Variants in IQCM observed in about 807,000 individuals in gnomAD.
IQCM encodes the protein IQ motif containing M.
Under a neutral mutation model 57.6 loss-of-function variants are expected in IQCM, and 45 were observed. That is an observed-to-expected ratio of 0.78 (90% CI 0.62 to 1.00). IQCM has a LOEUF of 1.00. Ranked by LOEUF, IQCM falls within the 50% of genes least tolerant of loss-of-function variation. IQCM has a pLI of 0.00. For synonymous variants in IQCM, 148 were observed against 158.9 expected, an observed-to-expected ratio of 0.93 and a Z score of 0.51; for missense variants, 468 against 511.6, an observed-to-expected ratio of 0.91 and a Z score of 0.82.
chr4:149,751,622 C>G (rs1768452795), intron 2 of IQCM, among the ~76,000 whole-genome samples: 1 of 152,222 alleles, frequency 6.6e-6, no homozygotes, highest in Admixed American at 6.5e-5. Context: ...CACAGGGCTA[C>G]TGCAAGACCA....
intron 5 of IQCM, among the ~76,000 whole-genome samples, chr4:149,687,394 G>GA (rs1023176687): frequency 7.6e-5 from 11 of 143,822 alleles, no homozygotes; most frequent in South Asian, 4.3e-4. Context: ...ACAATATTCA[G>GA]AAAAAAAAAA....
chr4:149,733,191 A>G, intron 5 of IQCM, 53 bp downstream of exon 5: 1 of 1,218,950 alleles, frequency 8.2e-7, no homozygotes, highest in Non-Finnish European at 1.0e-6. Context: ...CATAAGAAAC[A>G]AATAGTTTTG....
chr4:149,412,066 T>TTGTGTGTG (rs35663253), intron 13 of IQCM, among the ~76,000 whole-genome samples: 1 of 148,730 alleles, frequency 6.7e-6, no homozygotes, highest in African/African-American at 2.5e-5. Flanking sequence ...GTGTGTGTGT[T>TTGTGTGTG]TGTGTGTGTG....
At chr4:149,550,710 T>C (rs1579456090) in intron 11 of IQCM, among the ~76,000 whole-genome samples, 1 of 152,178 alleles carries the variant, frequency 6.6e-6, no homozygotes, top group African/African-American at 2.4e-5. Context: ...TTAAAAAGTG[T>C]ATAGGTAACT....
At chr4:149,377,890 G>A (rs1730802257) in intron 13 of IQCM, among the ~76,000 whole-genome samples, 1 of 152,086 alleles carries the variant, frequency 6.6e-6, no homozygotes, top group Admixed American at 6.6e-5. Flanking sequence ...TCCTGAAGAG[G>A]CCTGATATTG....
At chr4:149,620,753 A>G (rs1210048456) in intron 8 of IQCM, among the ~76,000 whole-genome samples, 1 of 152,208 alleles carries the variant, frequency 6.6e-6, no homozygotes, top group Non-Finnish European at 1.5e-5. Flanking sequence ...TCCTTCCATT[A>G]TCATGCCTTT....
At chr4:149,665,776 C>T (rs1206581752) in intron 7 of IQCM, among the ~76,000 whole-genome samples, 1 of 152,154 alleles carries the variant, frequency 6.6e-6, no homozygotes, top group Non-Finnish European at 1.5e-5. Flanking sequence ...GACCCACCCT[C>T]AATCTGGGTA....
chr4:149,413,662 G>A (rs1733548535), intron 13 of IQCM, among the ~76,000 whole-genome samples: 1 of 152,126 alleles, frequency 6.6e-6, no homozygotes, highest in Non-Finnish European at 1.5e-5. Flanking sequence ...CTGTGAATAG[G>A]TGAGTGTTCA....
chr4:149,458,298 A>G (rs1405182466), intron 12 of IQCM, among the ~76,000 whole-genome samples: 2 of 152,030 alleles, frequency 1.3e-5, no homozygotes, highest in Non-Finnish European at 2.9e-5. Flanking sequence ...CTAAGCAGTA[A>G]ACAGTGTACT....
chr4:149,639,982 C>T (rs1371458454), intron 7 of IQCM, among the ~76,000 whole-genome samples: 3 of 152,116 alleles, frequency 2.0e-5, no homozygotes, highest in African/African-American at 4.8e-5. Flanking sequence ...TCTAAAGTAG[C>T]CAACTCAATT....
chr4:149,358,874 A>ATGATATACTC (rs1729238410), intron 13 of IQCM, among the ~76,000 whole-genome samples: 1 of 152,104 alleles, frequency 6.6e-6, no homozygotes, highest in Admixed American at 6.6e-5. Flanking sequence ...TCATGAGTAT[A>ATGATATACTC]TCATGAGACC....
intron 13 of IQCM, among the ~76,000 whole-genome samples, chr4:149,402,135 T>C (rs1276733032): frequency 6.6e-6 from 1 of 151,758 alleles, no homozygotes; most frequent in Non-Finnish European, 1.5e-5. Flanking sequence ...ATTCAGAACT[T>C]GGTGAATTCC....
intron 11 of IQCM, among the ~76,000 whole-genome samples, chr4:149,552,827 T>G (rs2149906990): frequency 1.3e-5 from 2 of 152,346 alleles, no homozygotes; most frequent in Middle Eastern, 3.4e-3. Context: ...AGATTATCCC[T>G]TATTTCCTGC....
At chr4:149,509,290 T>G (rs1466699026) in intron 12 of IQCM, among the ~76,000 whole-genome samples, 1 of 152,104 alleles carries the variant, frequency 6.6e-6, no homozygotes, top group Admixed American at 6.6e-5. Context: ...TTTTTTCTTT[T>G]TTTTTGAGAC....
At chr4:149,520,778 T>C (rs1441940003) in intron 12 of IQCM, among the ~76,000 whole-genome samples, 1 of 152,104 alleles carries the variant, frequency 6.6e-6, no homozygotes, top group Non-Finnish European at 1.5e-5. Context: ...TCTTTCCCAG[T>C]TATGTTAGAG....
chr4:149,762,918 A>G (rs1769674264), intron 2 of IQCM, among the ~76,000 whole-genome samples: 1 of 152,022 alleles, frequency 6.6e-6, no homozygotes, highest in Non-Finnish European at 1.5e-5. Flanking sequence ...AACGTGTTAA[A>G]TTTAAATACA....
intron 2 of IQCM, chr4:149,748,572 T>A (rs1433710862): frequency 7.2e-5 from 11 of 152,204 alleles, no homozygotes; most frequent in Admixed American, 7.2e-4. Context: ...CTGAGCCATA[T>A]TCAACAAGCT....
At chr4:149,582,312 AT>A (rs1679009499) in intron 9 of IQCM, among the ~76,000 whole-genome samples, 1 of 836 alleles carries the variant, frequency 1.2e-3, no homozygotes, top group Non-Finnish European at 2.6e-3. Context: ...GTAGACATAT[AT>A]ATATATATAT....
chr4:149,703,942 G>T (rs1019961752), intron 5 of IQCM, among the ~76,000 whole-genome samples: 1 of 151,754 alleles, frequency 6.6e-6, no homozygotes, highest in African/African-American at 2.4e-5. Flanking sequence ...CGTATACTAA[G>T]AATTCCTTTC....
Sources: allele counts gnomAD v4.1 joint callset (sites outside exome capture counted in the v4.1 genomes callset), GRCh38; gene constraint gnomAD v4.1.1; transcripts MANE v1.5; gene names NCBI Gene and HGNC (gene_info 2026-07-23, HGNC 2026-07-21).